Variants in TRHDE observed in about 807,000 individuals in gnomAD.
The protein encoded by TRHDE is thyrotropin releasing hormone degrading enzyme, also known as thyrotropin-releasing hormone-degrading ectoenzyme.
Under a neutral mutation model 125.7 loss-of-function variants are expected in TRHDE, and 72 were observed. The observed-to-expected ratio is 0.57, with a 90% confidence interval of 0.47 to 0.70. TRHDE has a LOEUF of 0.70. Among genes scored for constraint, TRHDE ranks in the 30% least tolerant of loss-of-function variants. The pLI is 0.00. For synonymous variants in TRHDE, 509 were observed against 509.1 expected, an observed-to-expected ratio of 1.00 and a Z score of 0.00; for missense variants, 1,110 against 1,327.1, an observed-to-expected ratio of 0.84 and a Z score of 2.54.
intron 7 of TRHDE, among the ~76,000 whole-genome samples, chr12:72,545,200 C>G (rs1228809950): frequency 6.6e-6 from 1 of 151,300 alleles, no homozygotes; most frequent in East Asian, 1.9e-4. Flanking sequence ...TTTTTAAATG[C>G]AAAAATGTTT....
At position 72,652,407 on chromosome 12, in the gene TRHDE, T is replaced by C; in HGVS notation, c.2761T>C (p.Phe921Leu). The C allele has an allele frequency of 6.2e-7, 1 of 1,608,482 alleles. No homozygotes were observed. Residue 921 changes from phenylalanine (F) to leucine (L), a missense_variant, in exon 16 of 19, where the codon TTC (phenylalanine) becomes CTC (leucine). By Grantham distance (22) the Phe-to-Leu change is conservative. Transcript: ENST00000261180. ...EDVWEFIWMK[F>L]HSTTAVSEKK... ...TGTCTGGGAATTCATATGGATGAAA[T>C]TCCATTCCACCACAGCAGTTTCTGA...
intron 5 of TRHDE, among the ~76,000 whole-genome samples, chr12:72,498,560 CT>C (rs1353171949): frequency 1.1e-4 from 17 of 152,078 alleles, no homozygotes; most frequent in Non-Finnish European, 1.8e-4. Context: ...TTTGCAATTT[CT>C]TTTTTCTTAC....
At chr12:72,109,672 C>T (rs1875272829) in intron 2 of TRHDE, among the ~76,000 whole-genome samples, 1 of 151,100 alleles carries the variant, frequency 6.6e-6, no homozygotes, top group Admixed American at 6.6e-5. Flanking sequence ...AATACCTTCC[C>T]CCTCATTTCT....
At chr12:72,515,666 T>G (rs1455495547) in intron 6 of TRHDE, among the ~76,000 whole-genome samples, 3 of 152,036 alleles carry the variant, frequency 2.0e-5, no homozygotes, top group South Asian at 4.1e-4. Context: ...TTTGTCAATT[T>G]TGGCTTTTGT....
intron 2 of TRHDE, among the ~76,000 whole-genome samples, chr12:72,297,768 A>G (rs916713768): frequency 2.0e-5 from 3 of 152,174 alleles, no homozygotes; most frequent in African/African-American, 7.2e-5. Flanking sequence ...AGATCTGCTT[A>G]AGGATGAGAG....
At chr12:72,381,014 T>C (rs1194842669) in intron 3 of TRHDE, among the ~76,000 whole-genome samples, 3 of 152,126 alleles carry the variant, frequency 2.0e-5, no homozygotes, top group African/African-American at 7.2e-5. Flanking sequence ...GAGAATACAC[T>C]GTAGGGCAAT....
chr12:72,449,049 T>A (rs532388446), intron 3 of TRHDE, among the ~76,000 whole-genome samples: 1 of 152,140 alleles, frequency 6.6e-6, no homozygotes, highest in East Asian at 1.9e-4. Flanking sequence ...TTTGAACATG[T>A]CAACAGAGCA....
At chr12:72,430,492 C>T (rs1874430148) in intron 3 of TRHDE, among the ~76,000 whole-genome samples, 1 of 149,010 alleles carries the variant, frequency 6.7e-6, no homozygotes, top group Non-Finnish European at 1.5e-5. Context: ...TACACACACA[C>T]AACAGTTTTT....
chr12:72,272,347 G>A, upstream of TRHDE: 1 of 362,034 alleles, frequency 2.8e-6, no homozygotes, highest in South Asian at 2.1e-5. This position sits in a 1 kb window ranked among gnomAD's most constrained non-coding sequence, Gnocchi z 6.7. Flanking sequence ...GGCAGCATGT[G>A]CCCCGCCGCC....
chr12:72,316,320 C>T (rs771434999), intron 2 of TRHDE, among the ~76,000 whole-genome samples: 16 of 152,130 alleles, frequency 1.1e-4, no homozygotes, highest in African/African-American at 2.2e-4. Context: ...TAAAAATGAG[C>T]GCATTGCCTG....
chr12:72,359,438 CTA>C lies in TRHDE; in HGVS notation c.1189-18555_1189-18554del, dbSNP rs750722413. Among the ~76,000 whole-genome samples, 6 of 151,696 alleles carry C rather than the reference CTA, an allele frequency of 4.0e-5. No homozygotes were observed. In the South Asian group the frequency reaches 1.2e-3, roughly 31 times the overall value. Reference sequence around the variant, plus strand: ...GCCAATACAAAACAACACAGAAAAACTATTTGAATTAATTGAGAAAGTTGACT... The same window carrying C: ...GCCAATACAAAACAACACAGAAAAACTTTGAATTAATTGAGAAAGTTGACT... On this transcript the variant is annotated intron_variant, in intron 2 of 18. Coordinates refer to ENST00000261180, the MANE Select transcript of TRHDE (RefSeq NM_013381.3).
At chr12:72,288,782 A>G (rs929114064) in intron 2 of TRHDE, among the ~76,000 whole-genome samples, 2 of 152,172 alleles carry the variant, frequency 1.3e-5, no homozygotes, top group Admixed American at 6.5e-5. Flanking sequence ...AGTTACTTAG[A>G]TGTGACTTTT....
At chr12:72,318,459 C>T (rs994802275) in intron 2 of TRHDE, among the ~76,000 whole-genome samples, 9 of 152,030 alleles carry the variant, frequency 5.9e-5, no homozygotes, top group African/African-American at 1.9e-4. Context: ...TGTGTGTGTC[C>T]TTAGATACGA....
intron 2 of TRHDE, among the ~76,000 whole-genome samples, chr12:72,174,733 A>G (rs1354984667): frequency 1.3e-5 from 2 of 152,202 alleles, no homozygotes; most frequent in Non-Finnish European, 2.9e-5. Flanking sequence ...AAATGATCCT[A>G]TGTCCTTCTT....
rs749425506 is a variant in TRHDE, at chr12:72,241,361, A to G, written n.279+135609A>G. Among the ~76,000 whole-genome samples the G allele has an allele frequency of 2.4e-4, 37 of 151,878 alleles. 3 individuals are homozygous for G. The highest frequency in any genetic ancestry group is 5.9e-5 in the Non-Finnish European group (4 of 67,960). On this transcript the variant is annotated intron_variant and non_coding_transcript_variant, in intron 2 of 4. Coordinates refer to the TRHDE transcript ENST00000548156. ...TGCTGATCTAGTTTTTTTTACTATC[A>G]TTTCATCTTTTTGTGGGTGTCATGT...
chr12:72,361,812 G>A (rs1414330207), intron 2 of TRHDE, among the ~76,000 whole-genome samples: 1 of 138,584 alleles, frequency 7.2e-6, no homozygotes, highest in Non-Finnish European at 1.5e-5. Flanking sequence ...AATATGCAGT[G>A]TTTGGTTTTT....
rs376962710 is a variant in TRHDE, at chr12:72,663,946, T to G, written c.*751T>G. The G allele has an allele frequency of 6.6e-6, 1 of 152,144 alleles. No individual in the cohort carries two copies. The highest frequency in any genetic ancestry group is 6.5e-5 in the Admixed American group (1 of 15,268). The allele number at this position is 152,144 out of a possible 1,614,324, so 9.4% of individuals were successfully genotyped here. ...CACATGTACAAAGAATGTCTTCAGA[T>G]CAAAGAAAATTTATCTCTTTTTATA... On this transcript the variant is annotated 3_prime_UTR_variant, in exon 19 of 19. Coordinates refer to ENST00000261180, the MANE Select transcript of TRHDE (RefSeq NM_013381.3).
chr12:72,620,338 C>CAAAAAAAAAAAAATAA (rs1872996994), intron 13 of TRHDE, among the ~76,000 whole-genome samples: 1 of 67,506 alleles, frequency 1.5e-5, no homozygotes, highest in Non-Finnish European at 3.5e-5. Flanking sequence ...CCCATCTCTA[C>CAAAAAAAAAAAAATAA]AAAAAAAAAA....
At chr12:72,513,523 A>G (rs1443271023) in intron 6 of TRHDE, among the ~76,000 whole-genome samples, 4 of 152,106 alleles carry the variant, frequency 2.6e-5, no homozygotes, top group Non-Finnish European at 5.9e-5. Context: ...CATGTTGTCT[A>G]TATTTATTGT....
Sources: allele counts gnomAD v4.1 joint callset (sites outside exome capture counted in the v4.1 genomes callset), GRCh38; gene constraint gnomAD v4.1.1; non-coding constraint Gnocchi (gnomAD v3.1); transcripts MANE v1.5; gene names NCBI Gene and HGNC (gene_info 2026-07-23, HGNC 2026-07-21).